The following ZNF516 variants were observed in gnomAD, a reference collection of about 807,000 sequenced individuals.
ZNF516 encodes zinc finger protein 516.
Under a neutral mutation model 79.7 loss-of-function variants are expected in ZNF516, and 19 were observed. The observed-to-expected ratio is 0.24, with a 90% CI of 0.17 to 0.35. The LOEUF is 0.35. Among genes scored for constraint, ZNF516 ranks in the 10% least tolerant of loss-of-function variants. The probability of loss-of-function intolerance (pLI) is 1.00; values close to 1 mark genes in which losing one functional copy is unlikely to be tolerated. For synonymous variants in ZNF516, 877 were observed against 739.5 expected (o/e 1.19, Z -3.02); for missense variants, 1,678 against 1,679.5 (o/e 1.00, Z 0.02).
chr18:76,480,488 T>TACACAC (rs139552059), intron 1 of ZNF516, among the ~76,000 whole-genome samples: 3 of 138,870 alleles, frequency 2.2e-5, no homozygotes, highest in South Asian at 2.2e-4. Flanking sequence ...CACACACATA[T>TACACAC]ACACATACAC....
At chr18:76,491,661 G>T in intron 1 of ZNF516, 1 of 648,000 alleles carries the variant, frequency 1.5e-6, no homozygotes, top group Non-Finnish European at 1.9e-6. Context: ...AGCAACAAGC[G>T]GCCACCGCCC....
Position 76,379,647 on chromosome 18 carries a change from C to T in ZNF516, c.2467G>A (p.Gly823Ser), listed in dbSNP as rs539550503. ...AGCAAAGGCTGGCATTCTTTGCCAC[C>T]GAGGGCAGGCGGGGGGCCCGTGCGT... ...SGRTGPPPALGGKECQPLLLA... is the reference protein window; with the variant it reads ...SGRTGPPPALSGKECQPLLLA... The change falls in exon 4 of 7, where the codon GGT becomes AGT. Residue 823 changes from glycine to serine, a missense_variant. By Grantham distance (56) the Gly-to-Ser change is moderately conservative. Coordinates refer to ENST00000443185, the MANE Select transcript of ZNF516 (RefSeq NM_014643.4). The T allele has an allele frequency of 5.6e-6, 9 of 1,613,628 alleles. No homozygotes were observed. The highest frequency in any genetic ancestry group is 4.5e-5 in the East Asian group (2 of 44,866).
chr18:76,438,854 C>G (rs2075778699), intron 3 of ZNF516, among the ~76,000 whole-genome samples: 1 of 152,244 alleles, frequency 6.6e-6, no homozygotes, highest in African/African-American at 2.4e-5. Flanking sequence ...CTAATTTCAA[C>G]TGTGCTCCCA....
intron 3 of ZNF516, among the ~76,000 whole-genome samples, chr18:76,419,082 T>A (rs1488969020): frequency 6.6e-6 from 1 of 152,210 alleles, no homozygotes; most frequent in Non-Finnish European, 1.5e-5. Context: ...ACAGACACTG[T>A]GGGTCGCAGC....
At chr18:76,387,796 T>C (rs1221261635) in intron 3 of ZNF516, 3 of 152,228 alleles carry the variant, frequency 2.0e-5, no homozygotes, top group Non-Finnish European at 2.9e-5. Flanking sequence ...AAATACTGGA[T>C]AGAACAGGGC....
chr18:76,374,509 C>T (rs962796104), intron 4 of ZNF516, among the ~76,000 whole-genome samples: 6 of 152,180 alleles, frequency 3.9e-5, no homozygotes, highest in Non-Finnish European at 5.9e-5. Flanking sequence ...AAACATCACC[C>T]GAACACATGT....
rs5826461 is a variant in ZNF516 at position 76,489,586 on chromosome 18, CAAA to C, written c.-272+5555_-272+5557del. ...TTTTGGTCTCTGGGACAACATCTTA[CAAA>C]AAAAAAAAAAAAAAAAAAGTTAGAA... On this transcript the variant is annotated intron_variant, in intron 1 of 6. Transcript: ENST00000443185. Among the ~76,000 whole-genome samples, 1,032 of 109,364 alleles carry C rather than the reference CAAA, an allele frequency of 9.4e-3. 9 individuals carry two copies. The highest frequency in any genetic ancestry group is 0.032 in the African/African-American group (966 of 29,790). The allele number at this position is 109,364 out of a possible 152,430, so 71.7% of individuals were successfully genotyped here.
chr18:76,422,633 C>G (rs1191083599), intron 3 of ZNF516, among the ~76,000 whole-genome samples: 2 of 151,968 alleles, frequency 1.3e-5, no homozygotes, highest in African/African-American at 2.4e-5. Flanking sequence ...CAGACATACC[C>G]TAGCACAGAG....
At chr18:76,426,532 T>G (rs1227596399) in intron 3 of ZNF516, among the ~76,000 whole-genome samples, 1 of 93,604 alleles carries the variant, frequency 1.1e-5, no homozygotes, top group Non-Finnish European at 2.4e-5. Flanking sequence ...ATACATAAAC[T>G]TTTTTTTTAA....
In ZNF516 at chr18:76,360,641, AAAAAAAT is replaced by A. The variant is rs2074517113; in HGVS notation, c.*1850_*1856del. The A allele has an allele frequency of 8.8e-6, 1 of 113,668 alleles. No homozygotes were observed. Among genetic ancestry groups the A allele is most frequent in the African/African-American group, 3.2e-5 (1 of 31,386 alleles). The allele number at this position is 113,668 out of a possible 1,614,324, so 7.0% of individuals were successfully genotyped here. On this transcript the variant is annotated 3_prime_UTR_variant, in exon 7 of 7. Transcript: ENST00000443185. ...ATCAGAAAAAAATAAGTAAAAAAAA[AAAAAAAT>A]ATATATATATATATATATATATATA...
intron 2 of ZNF516, among the ~76,000 whole-genome samples, chr18:76,446,665 C>T (rs771542523): frequency 2.6e-4 from 40 of 152,142 alleles, no homozygotes; most frequent in African/African-American, 6.5e-4. Flanking sequence ...AAGCTTTCCC[C>T]GAAACTTGCA....
chr18:76,438,401 A>G lies in ZNF516; in HGVS notation c.1810+2844T>C, dbSNP rs900536313. On this transcript the variant is annotated intron_variant, in intron 3 of 6. Transcript: ENST00000443185. ...ATGTTGATTTTTACAAACTCCAATTAGATGCCCTTTCACCCCTCTTTCTTA... is the reference window on the plus strand; with the variant it reads ...ATGTTGATTTTTACAAACTCCAATTGGATGCCCTTTCACCCCTCTTTCTTA... Among the ~76,000 whole-genome samples the G allele has an allele frequency of 4.7e-4, 72 of 152,208 alleles. 1 individual carries two copies. Among genetic ancestry groups the G allele is most frequent in the Admixed American group, 4.3e-3 (65 of 15,276 alleles).
chr18:76,379,211 T>G lies in ZNF516; in HGVS notation c.2903A>C (p.His968Pro), dbSNP rs759473218. Residue 968 changes from histidine (H) to proline (P), a missense_variant, in exon 4 of 7, where the codon CAC (histidine) becomes CCC (proline). By Grantham distance (77) the His-to-Pro change is moderately conservative. Coordinates refer to ENST00000443185, the MANE Select transcript of ZNF516 (RefSeq NM_014643.4). ...AGAGFAPTNK[H>P]SAPDSLKAKF... ...GGCTTTCAGGGAGTCCGGGGCACTG[T>G]GCTTATTTGTGGGGGCAAAGCCAGC... 5 of 1,612,812 alleles carry G rather than the reference T, an allele frequency of 3.1e-6. No homozygotes were observed. The Admixed American group carries it at 8.3e-5, about 27-fold the overall frequency.
In ZNF516 at chr18:76,463,090, C is replaced by CA. The variant is rs1183604362; in HGVS notation, c.-221dup. 6.6e-6 allele frequency: 1 copy of CA among 152,216 alleles called. No individual in the cohort carries two copies. Among genetic ancestry groups the CA allele is most frequent in the Non-Finnish European group, 1.5e-5 (1 of 68,042 alleles). The allele number at this position is 152,216 out of a possible 1,614,324, so 9.4% of individuals were successfully genotyped here. Reference sequence around the variant, plus strand: ...GCTCCCAGTTGGATGCTGGTACTCTCAGCTAAAAGTGTTCAGAGAAGGACC... The same window carrying CA: ...GCTCCCAGTTGGATGCTGGTACTCTCAAGCTAAAAGTGTTCAGAGAAGGACC... On this transcript the variant is annotated 5_prime_UTR_variant, in exon 2 of 7. It removes the in-frame stop codon of an upstream open reading frame in the 5' UTR. Transcript: ENST00000443185.
rs747195084 is a variant in ZNF516, at chr18:76,379,248, G to T, written c.2866C>A (p.Pro956Thr). 5.0e-6 allele frequency: 8 copies of T among 1,612,430 alleles called. No individual in the cohort carries two copies. The highest frequency in any genetic ancestry group is 6.8e-6 in the Non-Finnish European group (8 of 1,179,628). The change falls in exon 4 of 7, where the codon CCC (proline) becomes ACC (threonine). Residue 956 changes from proline (P) to threonine (T), a missense_variant. Transcript: ENST00000443185. The part of the protein sequence containing the change: ...NSKPVEKFGV[P>T]PAGAGFAPTN... ...GGGGCAAAGCCAGCCCCCGCTGGGG[G>T]GACCCCAAACTTCTCCACAGGCTTG...
At chr18:76,402,028 C>G (rs186814912) in intron 3 of ZNF516, among the ~76,000 whole-genome samples, 3 of 152,122 alleles carry the variant, frequency 2.0e-5, no homozygotes, top group Non-Finnish European at 4.4e-5. Context: ...TACACGTGCG[C>G]GCATGTGTGC....
chr18:76,448,171 A>G (rs1381693953), intron 2 of ZNF516, among the ~76,000 whole-genome samples: 3 of 152,226 alleles, frequency 2.0e-5, no homozygotes, highest in Admixed American at 2.0e-4. Flanking sequence ...CTAACCATGT[A>G]AACATCAAAA....
chr18:76,496,273 C>T, upstream of ZNF516: 1 of 1,287,376 alleles, frequency 7.8e-7, no homozygotes, highest in Non-Finnish European at 1.0e-6. Context: ...TATCTTCTCC[C>T]ACCAGGCTCC....
chr18:76,441,567 G>A lies in ZNF516; in HGVS notation c.1488C>T (p.Arg496=), dbSNP rs1186276618. The A allele has an allele frequency of 3.4e-6, 5 of 1,480,948 alleles. No homozygotes were observed. The highest frequency in any genetic ancestry group is 4.5e-6 in the Non-Finnish European group (5 of 1,120,832). 91.7% of individuals were successfully genotyped at this position (1,480,948 alleles called of 1,614,324 possible). A position where few individuals can be genotyped will look rare whatever the true frequency, so the allele number is the denominator to read the frequency against. Residue 496 remains arginine, a synonymous_variant, in exon 3 of 7, where the codon CGC becomes CGT. Coordinates refer to ENST00000443185, the MANE Select transcript of ZNF516 (RefSeq NM_014643.4). ...DPAPAGHLDP[R]SAARPNRRAA... ...CCCTGCGGTTGGGGCGCGCGGCCGA[G>A]CGGGGATCGAGGTGGCCGGCGGGCG... is the stretch of plus-strand genomic sequence containing the variant.
Sources: allele counts gnomAD v4.1 joint callset (sites outside exome capture counted in the v4.1 genomes callset), GRCh38; gene constraint gnomAD v4.1.1; transcripts MANE v1.5; gene names NCBI Gene and HGNC (gene_info 2026-07-23, HGNC 2026-07-21).